Variants in ASIC2 observed in about 807,000 individuals in gnomAD.
ASIC2 encodes the protein acid-sensing ion channel 2.
ASIC2 carries 25 observed loss-of-function variants against 57.3 expected under a neutral mutation model. The ratio of observed to expected loss-of-function variants is 0.44; its 90% CI spans 0.32 to 0.61. The LOEUF is 0.61. ASIC2 is among the 20% of genes least tolerant of loss of function. The pLI is 0.06. For synonymous variants in ASIC2, 319 were observed against 307.5 expected, an observed-to-expected ratio of 1.04 and a Z score of -0.39; for missense variants, 641 against 738.1, an observed-to-expected ratio of 0.87 and a Z score of 1.52.
At chr17:33,487,550 T>G (rs934738955) in intron 1 of ASIC2, among the ~76,000 whole-genome samples, 1 of 152,208 alleles carries the variant, frequency 6.6e-6, no homozygotes, top group Non-Finnish European at 1.5e-5. Flanking sequence ...TATAGGTTTG[T>G]TGTGGTGGTT....
chr17:34,126,652 GC>G (rs1400218319), intron 1 of ASIC2, among the ~76,000 whole-genome samples: 1 of 152,186 alleles, frequency 6.6e-6, no homozygotes, highest in Non-Finnish European at 1.5e-5. Context: ...AGTACCACCG[GC>G]CTGCTGCTTA....
chr17:34,146,221 C>T (rs560073695), intron 1 of ASIC2, among the ~76,000 whole-genome samples: 11 of 152,210 alleles, frequency 7.2e-5, no homozygotes, highest in South Asian at 2.1e-4. Flanking sequence ...TTGTTATCGC[C>T]GTCTTGAGTT....
At chr17:33,601,097 G>A (rs1275261871) in intron 1 of ASIC2, among the ~76,000 whole-genome samples, 1 of 152,114 alleles carries the variant, frequency 6.6e-6, no homozygotes, top group Non-Finnish European at 1.5e-5. Context: ...TTAAAGATGG[G>A]ATTTATAATT....
At chr17:34,105,453 T>A (rs952027578) in intron 1 of ASIC2, among the ~76,000 whole-genome samples, 1 of 150,026 alleles carries the variant, frequency 6.7e-6, no homozygotes, top group South Asian at 2.1e-4. Flanking sequence ...ATTTCTGCTG[T>A]TATCTTTATT....
chr17:33,577,496 G>C lies in ASIC2; in HGVS notation c.556-465429C>G, dbSNP rs147548067. 3.3e-5 allele frequency among the ~76,000 whole-genome samples: 5 copies of C among 152,234 alleles called. No homozygotes were observed. In the East Asian group the frequency reaches 5.8e-4, roughly 18 times the overall value. On this transcript the variant is annotated intron_variant, in intron 1 of 9. Transcript: ENST00000359872. ...GGAGACAACAGACCCTACCGTATTG[G>C]TTCTCTAGACCCAGTGCTTCCCAAC... is the stretch of plus-strand genomic sequence containing the variant.
chr17:33,945,793 G>A (rs1220637741), intron 1 of ASIC2, among the ~76,000 whole-genome samples: 2 of 152,176 alleles, frequency 1.3e-5, no homozygotes, highest in East Asian at 1.9e-4. Flanking sequence ...CGATTTGCTT[G>A]CATCCAGAGC....
At chr17:33,807,040 C>G (rs567361517) in intron 1 of ASIC2, among the ~76,000 whole-genome samples, 3 of 152,102 alleles carry the variant, frequency 2.0e-5, no homozygotes, top group Non-Finnish European at 2.9e-5. Context: ...GTCATTAGCT[C>G]GGAGGCAGAA....
chr17:33,901,551 A>G (rs1915232153), intron 1 of ASIC2, among the ~76,000 whole-genome samples: 1 of 152,200 alleles, frequency 6.6e-6, no homozygotes, highest in Non-Finnish European at 1.5e-5. Context: ...GGGGGTAAAA[A>G]GATCGATAAG....
At chr17:33,312,440 G>T (rs956956918) in intron 1 of ASIC2, among the ~76,000 whole-genome samples, 3 of 152,154 alleles carry the variant, frequency 2.0e-5, no homozygotes, top group Non-Finnish European at 2.9e-5. Context: ...GCACAGTAGA[G>T]AAAGCATCGT....
chr17:33,787,730 G>A (rs1170798106), intron 1 of ASIC2, among the ~76,000 whole-genome samples: 1 of 152,194 alleles, frequency 6.6e-6, no homozygotes, highest in Non-Finnish European at 1.5e-5. Flanking sequence ...GCTCCACTGA[G>A]CACCTGGGAG....
intron 1 of ASIC2, among the ~76,000 whole-genome samples, chr17:33,194,586 C>A (rs1906553672): frequency 6.6e-6 from 1 of 152,190 alleles, no homozygotes; most frequent in African/African-American, 2.4e-5. Flanking sequence ...ATTTGCAGCA[C>A]TGGAATGTAG....
intron 1 of ASIC2, among the ~76,000 whole-genome samples, chr17:33,113,234 G>A (rs937992550): frequency 1.3e-5 from 2 of 152,190 alleles, no homozygotes; most frequent in South Asian, 2.1e-4. Context: ...AAACCTCGCA[G>A]CCTCAATGTC....
intron 1 of ASIC2, among the ~76,000 whole-genome samples, chr17:33,232,441 TATGGA>T (rs1403424616): frequency 2.0e-4 from 24 of 119,604 alleles, no homozygotes; most frequent in Admixed American, 4.1e-4. Context: ...TATGGTATGG[TATGGA>T]ATGGTATGGT....
intron 1 of ASIC2, among the ~76,000 whole-genome samples, chr17:33,906,683 A>G (rs548968001): frequency 1.3e-5 from 2 of 152,320 alleles, no homozygotes; most frequent in Admixed American, 1.3e-4. Flanking sequence ...ACCCTCTCCT[A>G]TAAGGCTGTT....
intron 3 of ASIC2, among the ~76,000 whole-genome samples, chr17:33,051,018 T>G (rs2091973262): frequency 6.6e-6 from 1 of 152,162 alleles, no homozygotes; most frequent in South Asian, 2.1e-4. Flanking sequence ...TTCAACAGTC[T>G]AATGTTGAAG....
intron 1 of ASIC2, among the ~76,000 whole-genome samples, chr17:33,985,920 C>T (rs1418804800): frequency 4.6e-5 from 7 of 152,210 alleles, no homozygotes; most frequent in African/African-American, 1.7e-4. Context: ...CTGGGTCTTT[C>T]CTCTGCCTGA....
At chr17:33,850,086 C>G (rs972667329) in intron 1 of ASIC2, among the ~76,000 whole-genome samples, 1 of 152,174 alleles carries the variant, frequency 6.6e-6, no homozygotes, top group Non-Finnish European at 1.5e-5. Context: ...AGATTAGAGT[C>G]TAACTGTGCT....
intron 1 of ASIC2, among the ~76,000 whole-genome samples, chr17:33,789,478 A>ACG: frequency 6.6e-6 from 1 of 151,770 alleles, no homozygotes; most frequent in African/African-American, 2.4e-5. Flanking sequence ...ACACACACAC[A>ACG]CACACACACA....
chr17:33,709,093 C>G (rs1040146201), intron 1 of ASIC2, among the ~76,000 whole-genome samples: 4 of 152,106 alleles, frequency 2.6e-5, no homozygotes, highest in African/African-American at 9.7e-5. Flanking sequence ...AAAGGTAAAC[C>G]CTACATCTTT....
Sources: gnomAD v4.1 joint callset for allele counts (sites outside exome capture counted in the v4.1 genomes callset) on GRCh38, gnomAD v4.1.1 for gene constraint, MANE v1.5 for transcripts, NCBI Gene and HGNC (gene_info 2026-07-23, HGNC 2026-07-21) for gene names.